SLC44A5: variants seen among roughly 807,000 people sequenced by gnomAD.
The protein encoded by SLC44A5 is solute carrier family 44 member 5.
In SLC44A5, 57 loss-of-function variants were observed where a neutral mutation model predicts 101.8. The ratio of observed to expected loss-of-function variants is 0.56; its 90% CI spans 0.45 to 0.70. The LOEUF is 0.70. Ranked by LOEUF, SLC44A5 falls within the 30% of genes least tolerant of loss-of-function variation. The probability of loss-of-function intolerance (pLI) is 0.00; values close to 1 mark genes in which losing one functional copy is unlikely to be tolerated. For missense variants in SLC44A5, 737 were observed against 853.1 expected (o/e 0.86, Z 1.70); for synonymous variants, 281 against 290.9 (o/e 0.97, Z 0.35).
At chr1:75,237,608 C>G (rs193010880) in intron 10 of SLC44A5, among the ~76,000 whole-genome samples, 1 of 152,190 alleles carries the variant, frequency 6.6e-6, no homozygotes, top group Admixed American at 6.6e-5. Context: ...AAAGTAACCA[C>G]TATTCTGACT....
chr1:75,231,325 G>T (rs1647549374), intron 12 of SLC44A5, among the ~76,000 whole-genome samples: 1 of 152,072 alleles, frequency 6.6e-6, no homozygotes, highest in South Asian at 2.1e-4. Context: ...ATTTGGAGGA[G>T]ATTTCCTTTA....
At chr1:75,236,938 TA>T in intron 11 of SLC44A5, 48 bp downstream of exon 11, 1 of 1,029,326 alleles carries the variant, frequency 9.7e-7, no homozygotes, top group Non-Finnish European at 1.5e-6. Flanking sequence ...TCTACAAAGA[TA>T]AAATCAGAAT....
intron 2 of SLC44A5, among the ~76,000 whole-genome samples, chr1:75,469,420 T>G (rs1666985748): frequency 6.6e-6 from 1 of 152,074 alleles, no homozygotes; most frequent in African/African-American, 2.4e-5. Flanking sequence ...AAGACAATAA[T>G]ACCATTTATA....
chr1:75,350,065 T>C (rs548579792), intron 3 of SLC44A5, among the ~76,000 whole-genome samples: 1 of 152,238 alleles, frequency 6.6e-6, no homozygotes, highest in South Asian at 2.1e-4. Flanking sequence ...AAAGTTTATA[T>C]GTTGAAGTCC....
chr1:75,473,265 G>C (rs1667208272), intron 2 of SLC44A5, among the ~76,000 whole-genome samples: 4 of 152,046 alleles, frequency 2.6e-5, no homozygotes, highest in Admixed American at 2.0e-4. Context: ...AATATCTTCA[G>C]GGACATTCAA....
chr1:75,723,831 G>T, the SLC44A5 span: 1 of 152,296 alleles, frequency 6.6e-6, no homozygotes, highest in South Asian at 2.1e-4. Context: ...CAAAGTAGGG[G>T]AATACAATAA....
chr1:75,541,349 A>T, intron 2 of SLC44A5, 86 bp downstream of exon 2: 1 of 1,035,002 alleles, frequency 9.7e-7, no homozygotes. Context: ...TCATTTTTCT[A>T]TTTGTCCTTA....
intron 2 of SLC44A5, among the ~76,000 whole-genome samples, chr1:75,446,358 A>T (rs1042585402): frequency 2.0e-5 from 3 of 152,058 alleles, no homozygotes; most frequent in Non-Finnish European, 4.4e-5. Flanking sequence ...GCAGATGTCA[A>T]GCTCATCCTA....
intron 2 of SLC44A5, among the ~76,000 whole-genome samples, chr1:75,446,512 A>T (rs1665587384): frequency 6.6e-6 from 1 of 151,860 alleles, no homozygotes; most frequent in East Asian, 1.9e-4. Flanking sequence ...CTCCCTCTTT[A>T]TTATGCTTTA....
intron 23 of SLC44A5, among the ~76,000 whole-genome samples, chr1:75,208,078 T>C (rs1646782840): frequency 6.6e-6 from 1 of 152,130 alleles, no homozygotes; most frequent in Non-Finnish European, 1.5e-5. Context: ...TTCCTTTAAG[T>C]GAAAAGGTGA....
chr1:75,431,947 T>C (rs539621112), intron 2 of SLC44A5, among the ~76,000 whole-genome samples: 46 of 152,276 alleles, frequency 3.0e-4, no homozygotes, highest in African/African-American at 8.9e-4. Context: ...CAGTGTCGAA[T>C]TTTAGTGCAT....
At chr1:75,692,441 C>T in the SLC44A5 span, among the ~76,000 whole-genome samples, 6 of 152,018 alleles carry the variant, frequency 3.9e-5, 1 homozygote, top group Admixed American at 2.6e-4. Context: ...GTGATCCGCC[C>T]GCCTCAGCCT....
the SLC44A5 span, among the ~76,000 whole-genome samples, chr1:75,646,864 G>A: frequency 1.3e-5 from 2 of 152,148 alleles, no homozygotes; most frequent in Admixed American, 6.5e-5. Flanking sequence ...ATTTCTAAGT[G>A]GCAAAGTGTT....
intron 2 of SLC44A5, among the ~76,000 whole-genome samples, chr1:75,440,993 G>T (rs1247229128): frequency 6.6e-6 from 1 of 151,390 alleles, no homozygotes; most frequent in East Asian, 1.9e-4. Flanking sequence ...AATTTCTTGG[G>T]TTCCAAATAA....
intron 5 of SLC44A5, among the ~76,000 whole-genome samples, chr1:75,300,128 TGCTA>T (rs10582542): frequency 0.54 from 81,687 of 151,238 alleles, 22,559 homozygotes; most frequent in East Asian, 0.84. Context: ...AGTATATCTT[TGCTA>T]GCTATCACTT....
At chr1:75,527,488 A>T (rs2101909903) in intron 2 of SLC44A5, among the ~76,000 whole-genome samples, 1 of 152,152 alleles carries the variant, frequency 6.6e-6, no homozygotes, top group East Asian at 1.9e-4. Context: ...ATAAAAACAT[A>T]ATATTTTCTT....
At chr1:75,553,219 A>C (rs2101986189) in intron 1 of SLC44A5, among the ~76,000 whole-genome samples, 1 of 152,280 alleles carries the variant, frequency 6.6e-6, no homozygotes, top group East Asian at 1.9e-4. Context: ...CAGTTTCACA[A>C]GTATTATTGA....
At chr1:75,372,897 T>G (rs1355165457) in intron 3 of SLC44A5, among the ~76,000 whole-genome samples, 4 of 152,176 alleles carry the variant, frequency 2.6e-5, no homozygotes. Flanking sequence ...TTCAGTCCAA[T>G]GAAGTTTAGT....
At chr1:75,324,682 C>A (rs1347276791) in intron 4 of SLC44A5, among the ~76,000 whole-genome samples, 1 of 152,138 alleles carries the variant, frequency 6.6e-6, no homozygotes, top group Non-Finnish European at 1.5e-5. Context: ...GCCACATCAG[C>A]CCTTCCTCAG....
Sources: gnomAD v4.1 joint callset for allele counts (sites outside exome capture counted in the v4.1 genomes callset) on GRCh38, gnomAD v4.1.1 for gene constraint, MANE v1.5 for transcripts, NCBI Gene and HGNC (gene_info 2026-07-23, HGNC 2026-07-21) for gene names.